The following AGO3 variants were observed in gnomAD, a reference collection of about 807,000 sequenced individuals.
AGO3 encodes argonaute RISC catalytic component 3.
AGO3 carries 16 observed loss-of-function variants against 105.5 expected under a neutral mutation model. The ratio of observed to expected loss-of-function variants is 0.15; its 90% confidence interval spans 0.10 to 0.23. The LOEUF is 0.23. Among genes scored for constraint, AGO3 ranks in the 10% least tolerant of loss-of-function variants. The pLI is 1.00. For missense variants in AGO3, 534 were observed against 1,088.0 expected, an observed-to-expected ratio of 0.49 and a Z score of 7.16; for synonymous variants, 340 against 367.3, an observed-to-expected ratio of 0.93 and a Z score of 0.85.
intron 17 of AGO3, among the ~76,000 whole-genome samples, chr1:36,051,958 C>T (rs1315231732): frequency 6.6e-6 from 1 of 152,036 alleles, no homozygotes; most frequent in Admixed American, 6.5e-5. Flanking sequence ...CTCATATGCA[C>T]TATTGGTGGC....
intron 5 of AGO3, among the ~76,000 whole-genome samples, chr1:35,979,278 G>A (rs1443715921): frequency 6.6e-6 from 1 of 151,940 alleles, no homozygotes; most frequent in Non-Finnish European, 1.5e-5. Context: ...GCAGGAGAAT[G>A]GCGTGAACCC....
chr1:35,982,410 A>G (rs1308398065), intron 5 of AGO3, among the ~76,000 whole-genome samples: 1 of 152,238 alleles, frequency 6.6e-6, no homozygotes, highest in East Asian at 1.9e-4. Flanking sequence ...AAAACTTGAA[A>G]TGCCGATTTT....
chr1:35,952,144 CTTTCTTTTTTT>C lies in AGO3; in HGVS notation c.191+6285_191+6295del, dbSNP rs751962582. Among the ~76,000 whole-genome samples, 299 of 67,948 alleles carry C rather than the reference CTTTCTTTTTTT, an allele frequency of 4.4e-3. 1 individual carries two copies. Among genetic ancestry groups the C allele is most frequent in the African/African-American group, 5.6e-3 (23 of 4,110 alleles). The allele number at this position is 67,948 out of a possible 152,430, so 44.6% of individuals were successfully genotyped here. ...TCTTTCTTTCTTTCTTTCTTTCTTT[CTTTCTTTTTTT>C]TTTTTTTTTTTGACAGAGTCTCGCT... On this transcript the variant is annotated intron_variant, in intron 2 of 18. Transcript: ENST00000373191.
intron 5 of AGO3, among the ~76,000 whole-genome samples, chr1:35,993,766 G>A (rs1293836083): frequency 1.8e-5 from 1 of 54,956 alleles, no homozygotes; most frequent in African/African-American, 1.0e-4. Flanking sequence ...TTTTTTTTTG[G>A]AGACAGAGTC....
At chr1:35,956,770 T>C (rs866070041) in intron 2 of AGO3, among the ~76,000 whole-genome samples, 1 of 151,702 alleles carries the variant, frequency 6.6e-6, no homozygotes, top group Middle Eastern at 3.4e-3. Context: ...CTCAGCCTCC[T>C]GAGTAGCTGG....
At chr1:35,993,738 CTTTTTTTTTTTT>C (rs141978570) in intron 5 of AGO3, among the ~76,000 whole-genome samples, 2 of 90,778 alleles carry the variant, frequency 2.2e-5, no homozygotes, top group African/African-American at 5.0e-5. Flanking sequence ...CCACCCCCTG[CTTTTTTTTTTTT>C]TTTTTTTTTT....
intron 5 of AGO3, among the ~76,000 whole-genome samples, chr1:35,985,215 G>A (rs564495911): frequency 3.2e-4 from 48 of 152,070 alleles, no homozygotes; most frequent in Admixed American, 7.9e-4. Flanking sequence ...CCCAGAAGTC[G>A]AGGCTGCAGT....
chr1:35,990,035 A>G (rs144206054), intron 5 of AGO3, among the ~76,000 whole-genome samples: 1 of 152,296 alleles, frequency 6.6e-6, no homozygotes, highest in East Asian at 1.9e-4. Flanking sequence ...ACAGTTGTAT[A>G]AGTTGGTAGT....
chr1:36,004,852 A>T (rs1449652467), intron 6 of AGO3, among the ~76,000 whole-genome samples: 1 of 152,094 alleles, frequency 6.6e-6, no homozygotes, highest in Non-Finnish European at 1.5e-5. Flanking sequence ...TAATATAATG[A>T]CTTCCTTATT....
chr1:35,976,344 T>C (rs555710149), intron 5 of AGO3, among the ~76,000 whole-genome samples: 11 of 152,312 alleles, frequency 7.2e-5, no homozygotes, highest in Admixed American at 2.6e-4. Context: ...TTCTGTATAC[T>C]TTCTCTCTTT....
chr1:35,984,060 C>T lies in AGO3; in HGVS notation c.658+10549C>T, dbSNP rs113086513. Among the ~76,000 whole-genome samples, 491 of 151,924 alleles carry T rather than the reference C, an allele frequency of 3.2e-3. 2 individuals are homozygous for T. The highest frequency in any genetic ancestry group is 0.011 in the African/African-American group (458 of 41,438). On this transcript the variant is annotated intron_variant, in intron 5 of 18. Coordinates refer to ENST00000373191, the MANE Select transcript of AGO3 (RefSeq NM_024852.4). ...GAAACAGGAAAGAGGAGGATAAAGCCGTCGAGGAATACTAGCATTTAAGAA... is the reference window on the plus strand; with the variant it reads ...GAAACAGGAAAGAGGAGGATAAAGCTGTCGAGGAATACTAGCATTTAAGAA...
rs1365582672 is a variant in AGO3 at position 36,061,478 on chromosome 1, G to T, written c.*5733G>T. The T allele has an allele frequency of 1.3e-5, 2 of 152,104 alleles. No homozygotes were observed. Among genetic ancestry groups the T allele is most frequent in the Admixed American group, 6.6e-5 (1 of 15,262 alleles). 9.4% of individuals were successfully genotyped at this position (152,104 alleles called of 1,614,324 possible). ...TTGTTCTTAAAATATGGAAGTTAAA[G>T]ATTTTAATTTGAATTAAAGATAGAA... On this transcript the variant is annotated 3_prime_UTR_variant, in exon 19 of 19. Coordinates refer to ENST00000373191, the MANE Select transcript of AGO3 (RefSeq NM_024852.4).
chr1:35,963,741 C>G (rs1322554269), intron 2 of AGO3, among the ~76,000 whole-genome samples: 1 of 151,952 alleles, frequency 6.6e-6, no homozygotes, highest in African/African-American at 2.4e-5. Flanking sequence ...TGAGGCTTTT[C>G]TTTAGGATTG....
intron 6 of AGO3, among the ~76,000 whole-genome samples, chr1:36,007,588 T>C (rs1569746738): frequency 6.6e-6 from 1 of 151,408 alleles, no homozygotes; most frequent in African/African-American, 2.4e-5. Flanking sequence ...CCCAGCTACT[T>C]GGGAGGCTGA....
chr1:35,991,485 T>A (rs2148794729), intron 5 of AGO3, among the ~76,000 whole-genome samples: 1 of 150,502 alleles, frequency 6.6e-6, no homozygotes, highest in South Asian at 2.1e-4. Context: ...TATTTCTTTT[T>A]AAAAAATTTT....
chr1:35,991,706 A>G (rs902294134), intron 5 of AGO3, among the ~76,000 whole-genome samples: 2 of 152,060 alleles, frequency 1.3e-5, no homozygotes, highest in African/African-American at 4.8e-5. Flanking sequence ...TAATTTACAT[A>G]CCATAAAATT....
intron 17 of AGO3, among the ~76,000 whole-genome samples, chr1:36,048,840 T>A (rs1225435344): frequency 6.6e-6 from 1 of 152,010 alleles, no homozygotes; most frequent in Non-Finnish European, 1.5e-5. Flanking sequence ...CAGGCATGCA[T>A]CACCACACAA....
intron 17 of AGO3, among the ~76,000 whole-genome samples, chr1:36,049,754 G>T (rs1180846942): frequency 6.6e-6 from 1 of 152,078 alleles, no homozygotes; most frequent in Non-Finnish European, 1.5e-5. Context: ...ATGCAAGCAG[G>T]AGTAGCTGTA....
At position 36,061,492 on chromosome 1, in the gene AGO3, T is replaced by C. The variant is rs193097937; in HGVS notation, c.*5747T>C. On this transcript the variant is annotated 3_prime_UTR_variant, in exon 19 of 19. Transcript: ENST00000373191. ...TGGAAGTTAAAGATTTTAATTTGAA[T>C]TAAAGATAGAAGGATGGTAAATTCA... The C allele has an allele frequency of 6.6e-5, 10 of 152,320 alleles. No individual in the cohort carries two copies. Among genetic ancestry groups the C allele is most frequent in the Admixed American group, 5.9e-4 (9 of 15,300 alleles). The allele number at this position is 152,320 out of a possible 1,614,324, so 9.4% of individuals were successfully genotyped here.
Sources: gnomAD v4.1 joint callset for allele counts (sites outside exome capture counted in the v4.1 genomes callset) on GRCh38, gnomAD v4.1.1 for gene constraint, MANE v1.5 for transcripts, NCBI Gene and HGNC (gene_info 2026-07-23, HGNC 2026-07-21) for gene names.